The following USP40 variants were observed in gnomAD, a reference collection of about 807,000 sequenced individuals.
The protein encoded by USP40 is ubiquitin specific peptidase 40, also known as ubiquitin carboxyl-terminal hydrolase 40.
USP40 carries 143 observed loss-of-function variants against 166.2 expected under a neutral mutation model. The observed-to-expected ratio is 0.86, with a 90% CI of 0.75 to 0.99. USP40 has a LOEUF of 0.99. USP40 is among the 50% of genes least tolerant of loss of function. The pLI is 0.00. For synonymous variants in USP40, 498 were observed against 524.0 expected (o/e 0.95, Z 0.68); for missense variants, 1,444 against 1,479.7 (o/e 0.98, Z 0.40).
At chr2:233,503,361 A>G (rs2066209212) in intron 21 of USP40, among the ~76,000 whole-genome samples, 1 of 152,190 alleles carries the variant, frequency 6.6e-6, no homozygotes, top group Non-Finnish European at 1.5e-5. Context: ...TATCTATTTA[A>G]TTAAATAATA....
At chr2:233,507,605 A>G (rs2066512917) in intron 21 of USP40, among the ~76,000 whole-genome samples, 1 of 151,540 alleles carries the variant, frequency 6.6e-6, no homozygotes, top group South Asian at 2.1e-4. Context: ...GACCTCACTC[A>G]TATGTGGAAT....
At position 233,481,620 on chromosome 2, in the gene USP40, C is replaced by A. The variant is rs75218435; in HGVS notation, c.3505-323G>T. The A allele has an allele frequency of 1.3e-3, 449 of 342,500 alleles. 6 individuals carry two copies. The East Asian group carries it at 0.024, about 18-fold the overall frequency. 21.2% of individuals were successfully genotyped at this position (342,500 alleles called of 1,614,324 possible). Reference sequence around the variant, plus strand: ...AAGACAGAGATCATCCACATCAGCACACGGATCTCTCATCGCCGCGCCAGA... The same window carrying A: ...AAGACAGAGATCATCCACATCAGCAAACGGATCTCTCATCGCCGCGCCAGA... On this transcript the variant is annotated intron_variant, in intron 30 of 31. Coordinates refer to ENST00000678225, the MANE Select transcript of USP40 (RefSeq NM_001365479.2).
In USP40 at chr2:233,486,217, G is replaced by A. The variant is rs1575216818; in HGVS notation, c.3198-240C>T. On this transcript the variant is annotated intron_variant, in intron 28 of 31. Transcript: ENST00000678225. This position sits in a 1 kb window ranked among gnomAD's most constrained non-coding sequence, Gnocchi z 4.0. The stretch of plus-strand genomic sequence containing the variant: ...GGTACACAGCAGAGCCCCCCCAGAC[G>A]TGGTAGGGAACTTCCTCAGTGCGGG... Among the ~76,000 whole-genome samples the A allele has an allele frequency of 6.6e-6, 1 of 152,340 alleles. No homozygotes were observed. Among genetic ancestry groups the A allele is most frequent in the South Asian group, 2.1e-4 (1 of 4,826 alleles).
intron 21 of USP40, among the ~76,000 whole-genome samples, chr2:233,508,230 C>T (rs2066563118): frequency 6.6e-6 from 1 of 152,084 alleles, no homozygotes; most frequent in Non-Finnish European, 1.5e-5. Context: ...AGCAAATATC[C>T]AACTAATGTT....
At chr2:233,564,369 C>CA (rs1223784363) in intron 2 of USP40, among the ~76,000 whole-genome samples, 1 of 152,046 alleles carries the variant, frequency 6.6e-6, no homozygotes. Context: ...CTGGGGACCC[C>CA]AGTCAGGGCC....
chr2:233,492,999 GGGTTTTGAGGCAGA>G (rs2065446363), intron 25 of USP40: 4 of 197,136 alleles, frequency 2.0e-5, no homozygotes, highest in Admixed American at 1.1e-4. Context: ...CAGTTCCTGA[GGGTTTTGAGGCAGA>G]AAGATTGGAA....
At chr2:233,522,487 T>C (rs2067726352) in intron 16 of USP40, among the ~76,000 whole-genome samples, 1 of 152,208 alleles carries the variant, frequency 6.6e-6, no homozygotes, top group Non-Finnish European at 1.5e-5. Context: ...TAAATAATGA[T>C]ACAGACATCC....
At position 233,481,280 on chromosome 2, in the gene USP40, G is replaced by A. The variant is rs367819232; in HGVS notation, c.3522C>T (p.Asp1174=). ...TIGVKNLLID[D]DDDFSTIRDD... ...CTCTGATTGTACTGAAATCATCATC[G>A]TCGTCAATCAGGAGATTCTACATTT... Residue 1174 remains aspartate (D), a synonymous_variant, in exon 31 of 32, where the codon GAC becomes GAT. Coordinates refer to ENST00000678225, the MANE Select transcript of USP40 (RefSeq NM_001365479.2). The A allele has an allele frequency of 4.1e-4, 658 of 1,603,212 alleles. No individual in the cohort carries two copies. Among genetic ancestry groups the A allele is most frequent in the African/African-American group, 1.3e-3 (100 of 74,858 alleles).
Position 233,480,264 on chromosome 2 carries a change from TAC to T in USP40, c.3599+937_3599+938del, listed in dbSNP as rs765837006. On this transcript the variant is annotated intron_variant, in intron 31 of 31. Coordinates refer to ENST00000678225, the MANE Select transcript of USP40 (RefSeq NM_001365479.2). The surrounding 1 kb of genome is among the most constrained non-coding windows in gnomAD (Gnocchi z 4.5). Reference sequence around the variant, plus strand: ...GGTGAGCGGGGCCAGATCAGGCTCCTACAGTCATTTGGGCAGGGAAAGATGAA... The same window carrying T: ...GGTGAGCGGGGCCAGATCAGGCTCCTAGTCATTTGGGCAGGGAAAGATGAA... 3.3e-4 allele frequency among the ~76,000 whole-genome samples: 50 copies of T among 152,146 alleles called. No homozygotes were observed. The highest frequency in any genetic ancestry group is 5.2e-4 in the Admixed American group (8 of 15,272).
chr2:233,503,026 C>A (rs986763748), intron 21 of USP40, among the ~76,000 whole-genome samples: 2 of 151,886 alleles, frequency 1.3e-5, no homozygotes, highest in African/African-American at 4.8e-5. Flanking sequence ...AGTAACAAAC[C>A]CCGAAGAAAA....
rs577747385 is a variant in USP40 at position 233,544,694 on chromosome 2, C to T, written c.967-2331G>A. Among the ~76,000 whole-genome samples the T allele has an allele frequency of 2.6e-5, 4 of 152,244 alleles. No individual in the cohort carries two copies. The South Asian group carries it at 8.3e-4, about 32-fold the overall frequency. On this transcript the variant is annotated intron_variant, in intron 8 of 31. Coordinates refer to ENST00000678225, the MANE Select transcript of USP40 (RefSeq NM_001365479.2). ...ACTGGAAAGGATGACCAAATATATA[C>T]TTCTTAATATATCACAATGACAAAA...
chr2:233,494,956 TTATATATATATA>T (rs71058559), intron 24 of USP40, among the ~76,000 whole-genome samples: 3 of 35,496 alleles, frequency 8.5e-5, no homozygotes, highest in Admixed American at 4.2e-4. Context: ...ATATATATAT[TTATATATATATA>T]TATATATATA....
intron 21 of USP40, among the ~76,000 whole-genome samples, chr2:233,507,332 A>G (rs763241638): frequency 1.3e-5 from 2 of 152,216 alleles, no homozygotes; most frequent in Non-Finnish European, 2.9e-5. Flanking sequence ...GTATGTGTCC[A>G]AAGGGTATGA....
At position 233,485,972 on chromosome 2, in the gene USP40, T is replaced by C; in HGVS notation, c.3203A>G (p.Gln1068Arg). The change falls in exon 29 of 32, where the codon CAG (glutamine) becomes CGG (arginine). Residue 1068 changes from glutamine (Q) to arginine (R), a missense_variant. Gln to Arg is a conservative substitution (Grantham distance 43). Coordinates refer to ENST00000678225, the MANE Select transcript of USP40 (RefSeq NM_001365479.2). ...PLQKGENLGP[Q>R]DVLLRTQVRI... ...CACCTGTGTCCTCAGCAGCACGTCC[T>C]GGGGGCTGTACCAGAAAACCGTCAA... is the stretch of plus-strand genomic sequence containing the variant. 6.4e-7 allele frequency: 1 copy of C among 1,573,428 alleles called. No individual in the cohort carries two copies. Among genetic ancestry groups the C allele is most frequent in the South Asian group, 1.2e-5 (1 of 84,370 alleles).
At chr2:233,546,159 C>T (rs1333087530) in intron 8 of USP40, 1 of 152,186 alleles carries the variant, frequency 6.6e-6, no homozygotes, top group Non-Finnish European at 1.5e-5. Flanking sequence ...TGAAGGAATG[C>T]CTGCCTGCCC....
intron 14 of USP40, 62 bp from the exon 15 acceptor site, chr2:233,524,624 AAG>A: frequency 7.8e-7 from 1 of 1,288,368 alleles, no homozygotes; most frequent in Non-Finnish European, 1.1e-6. Flanking sequence ...GAGCTAAAGA[AAG>A]AGCTGAGACA....
chr2:233,497,879 T>C (rs543474961), intron 23 of USP40, among the ~76,000 whole-genome samples: 13 of 152,310 alleles, frequency 8.5e-5, no homozygotes, highest in African/African-American at 2.9e-4. Context: ...TAAATCAACC[T>C]TCTGCTGGCA....
intron 25 of USP40, among the ~76,000 whole-genome samples, chr2:233,491,600 C>T (rs1182758089): frequency 7.3e-5 from 7 of 96,528 alleles, no homozygotes; most frequent in East Asian, 3.2e-4. Context: ...CCAACCTGTT[C>T]CTCGTGTGTG....
At chr2:233,495,060 A>G (rs1259297713) in intron 24 of USP40, among the ~76,000 whole-genome samples, 1 of 148,658 alleles carries the variant, frequency 6.7e-6, no homozygotes, top group Non-Finnish European at 1.5e-5. Context: ...TCAACAAAAG[A>G]CTGGAAATGA....
Sources: gnomAD v4.1 joint callset for allele counts (sites outside exome capture counted in the v4.1 genomes callset) on GRCh38, gnomAD v4.1.1 for gene constraint, Gnocchi (gnomAD v3.1) non-coding constraint, MANE v1.5 for transcripts, NCBI Gene and HGNC (gene_info 2026-07-23, HGNC 2026-07-21) for gene names.